The following HEPHL1 variants were observed in gnomAD, a reference collection of about 807,000 sequenced individuals.
HEPHL1 encodes the protein hephaestin like 1.
HEPHL1 carries 123 observed loss-of-function variants against 122.0 expected under a neutral mutation model. The ratio of observed to expected loss-of-function variants is 1.01; its 90% CI spans 0.87 to 1.17. HEPHL1 has a LOEUF of 1.17. Among genes scored for constraint, HEPHL1 ranks in the 50% most tolerant of loss-of-function variants. The pLI is 0.00. For missense variants in HEPHL1, 1,452 were observed against 1,430.5 expected (o/e 1.01, Z -0.24); for synonymous variants, 527 against 508.9 (o/e 1.04, Z -0.48).
intron 16 of HEPHL1, among the ~76,000 whole-genome samples, 179 bp downstream of exon 16, chr11:94,104,929 G>T (rs1946397108): frequency 1.3e-5 from 2 of 152,154 alleles, no homozygotes; most frequent in African/African-American, 4.8e-5. Flanking sequence ...TGATTGGCTG[G>T]CAGCAAAGTC....
chr11:94,094,456 C>G (rs986421578), intron 13 of HEPHL1, among the ~76,000 whole-genome samples: 1 of 152,200 alleles, frequency 6.6e-6, no homozygotes, highest in African/African-American at 2.4e-5. Flanking sequence ...CCACAATAAA[C>G]ATACATGTGC....
intron 1 of HEPHL1, among the ~76,000 whole-genome samples, chr11:94,035,927 G>T (rs1157162425): frequency 6.6e-6 from 1 of 152,106 alleles, no homozygotes; most frequent in Non-Finnish European, 1.5e-5. Context: ...TAGTAGAGAC[G>T]GGGTTTCACC....
At chr11:94,055,567 A>C (rs534203971) in intron 2 of HEPHL1, 3 of 292,964 alleles carry the variant, frequency 1.0e-5, no homozygotes, top group African/African-American at 6.5e-5. Context: ...TCAGTTCTCC[A>C]GTATCAAAGT....
chr11:94,091,648 A>T (rs975565189), intron 12 of HEPHL1, among the ~76,000 whole-genome samples: 2 of 152,108 alleles, frequency 1.3e-5, no homozygotes, highest in Admixed American at 6.5e-5. Context: ...GTTCTATGAG[A>T]GGGGAAGGGT....
At position 94,023,443 on chromosome 11, in the gene HEPHL1, A is replaced by G. The variant is rs986670772; in HGVS notation, c.170+1905A>G. Among the ~76,000 whole-genome samples the G allele has an allele frequency of 8.5e-5, 13 of 152,330 alleles. No homozygotes were observed. In the South Asian group the frequency reaches 1.2e-3, roughly 15 times the overall value. ...CTCAAAGAATCATAAATACTCAAGT[A>G]CTACAATGCTGTTTTCACAAAGTGG... On this transcript the variant is annotated intron_variant, in intron 1 of 19. Transcript: ENST00000315765.
At chr11:94,107,458 TTC>T (rs1323051652) in intron 17 of HEPHL1, among the ~76,000 whole-genome samples, 3 of 152,202 alleles carry the variant, frequency 2.0e-5, no homozygotes, top group African/African-American at 7.2e-5. Context: ...TAGTGTACAG[TTC>T]TCTTTTGATA....
intron 6 of HEPHL1, among the ~76,000 whole-genome samples, chr11:94,071,604 A>C (rs751277709): frequency 6.6e-6 from 1 of 152,184 alleles, no homozygotes; most frequent in Non-Finnish European, 1.5e-5. Context: ...GAAAGCACAA[A>C]GTGCAAGATG....
chr11:94,085,409 C>T lies in HEPHL1; in HGVS notation c.1868-568C>T, dbSNP rs1946208670. ...CAAATTTATTTACTCAAAGACTAAC[C>T]TCATATAAGCTTAAGTACCCCCTAA... On this transcript the variant is annotated intron_variant, in intron 10 of 19. Coordinates refer to ENST00000315765, the MANE Select transcript of HEPHL1 (RefSeq NM_001098672.2). Among the ~76,000 whole-genome samples the T allele has an allele frequency of 4.6e-5, 7 of 152,262 alleles. No homozygotes were observed. In the South Asian group the frequency reaches 1.5e-3, roughly 32 times the overall value.
At chr11:94,080,238 G>T (rs1055035633) in intron 9 of HEPHL1, among the ~76,000 whole-genome samples, 1 of 152,176 alleles carries the variant, frequency 6.6e-6, no homozygotes, top group East Asian at 1.9e-4. Context: ...GAACTGGCTA[G>T]CCATATGCAG....
intron 9 of HEPHL1, among the ~76,000 whole-genome samples, chr11:94,077,744 C>T (rs1277755062): frequency 6.6e-6 from 1 of 152,210 alleles, no homozygotes; most frequent in East Asian, 1.9e-4. Context: ...CCTCTTGTTC[C>T]CACAAGTGGG....
intron 2 of HEPHL1, among the ~76,000 whole-genome samples, chr11:94,060,156 A>G (rs1945975195): frequency 6.9e-6 from 1 of 144,206 alleles, no homozygotes. Flanking sequence ...ATATACACGC[A>G]CTGGGGTAGA....
intron 12 of HEPHL1, among the ~76,000 whole-genome samples, chr11:94,091,231 C>A (rs1946262048): frequency 6.6e-6 from 1 of 152,204 alleles, no homozygotes; most frequent in African/African-American, 2.4e-5. Flanking sequence ...TCTCTTGCAC[C>A]ATTCTCACAA....
chr11:94,078,446 C>CATATCTATATATAT (rs1946143506), intron 9 of HEPHL1, among the ~76,000 whole-genome samples: 1 of 111,480 alleles, frequency 9.0e-6, no homozygotes, highest in Non-Finnish European at 1.8e-5. Flanking sequence ...TCAGATGTTC[C>CATATCTATATATAT]ATATATATAT....
In HEPHL1 at chr11:94,030,946, C is replaced by T. The variant is rs966125718; in HGVS notation, c.170+9408C>T. Among the ~76,000 whole-genome samples the T allele has an allele frequency of 2.0e-5, 3 of 152,226 alleles. No individual in the cohort carries two copies. The East Asian group carries it at 5.8e-4, about 29-fold the overall frequency. ...GAGAGTTGGCAAGCCAGAGGTTGAG[C>T]AGGGATAGTGAGCAGATGCCATGCT... On this transcript the variant is annotated intron_variant, in intron 1 of 19. Transcript: ENST00000315765.
intron 13 of HEPHL1, among the ~76,000 whole-genome samples, chr11:94,093,971 G>GATATATATATATATATATATATATAT (rs201036709): frequency 4.5e-4 from 33 of 72,720 alleles, no homozygotes; most frequent in African/African-American, 7.9e-4. Flanking sequence ...TCCTCCAGCA[G>GATATATATATATATATATATATATAT]ATATATATAT....
intron 17 of HEPHL1, among the ~76,000 whole-genome samples, chr11:94,110,001 A>G (rs1259093509): frequency 6.6e-6 from 1 of 152,196 alleles, no homozygotes; most frequent in Admixed American, 6.5e-5. Context: ...CAGTTTCTTT[A>G]ATAGATATAG....
In HEPHL1 at chr11:94,064,401, G is replaced by A. The variant is rs1706152373; in HGVS notation, c.699G>A (p.Val233=). 6.2e-7 allele frequency: 1 copy of A among 1,612,600 alleles called. No individual in the cohort carries two copies. The highest frequency in any genetic ancestry group is 8.5e-7 in the Non-Finnish European group (1 of 1,178,802). ...AGTTTGTTATAATGTTTACTCTTGT[G>A]GATGAGAATCAAAGCTGGTACCTCA... ...DREFVIMFTL[V]DENQSWYLNE... Residue 233 remains valine (V), a synonymous_variant, in exon 4 of 20, where the codon GTG becomes GTA. Transcript: ENST00000315765.
chr11:94,076,211 T>C (rs1259519996), intron 9 of HEPHL1, among the ~76,000 whole-genome samples: 2 of 152,292 alleles, frequency 1.3e-5, no homozygotes, highest in East Asian at 3.9e-4. Context: ...GTCTATTGCA[T>C]GTGTTATAAG....
At chr11:94,063,095 A>G (rs1422417347) in intron 2 of HEPHL1, among the ~76,000 whole-genome samples, 1 of 152,192 alleles carries the variant, frequency 6.6e-6, no homozygotes, top group African/African-American at 2.4e-5. Flanking sequence ...CAGGTGGTGA[A>G]TCTGAAATAA....
Sources: allele counts gnomAD v4.1 joint callset (sites outside exome capture counted in the v4.1 genomes callset), GRCh38; gene constraint gnomAD v4.1.1; transcripts MANE v1.5; gene names NCBI Gene and HGNC (gene_info 2026-07-23, HGNC 2026-07-21).